Variants in UBTF observed in about 807,000 individuals in gnomAD.
The protein encoded by UBTF is nucleolar transcription factor 1.
UBTF carries 8 observed loss-of-function variants against 112.3 expected under a neutral mutation model. That is an observed-to-expected ratio of 0.07 (90% CI 0.04 to 0.13). The LOEUF is 0.13. UBTF is among the 10% of genes least tolerant of loss of function. UBTF has a pLI of 1.00. For synonymous variants in UBTF, 417 were observed against 373.1 expected (o/e 1.12, Z -1.36); for missense variants, 457 against 982.1 (o/e 0.47, Z 7.15).
intron 15 of UBTF, 113 bp from the exon 16 acceptor site, chr17:44,209,846 G>T: frequency 8.7e-7 from 1 of 1,153,950 alleles, no homozygotes; most frequent in Non-Finnish European, 1.2e-6. Flanking sequence ...CCAGGGAGGA[G>T]GAGAAACAGG....
rs1433480609 is a variant in UBTF, at chr17:44,211,252, G to C, written c.1089+38C>G. The stretch of plus-strand genomic sequence containing the variant: ...CCAGGGCTCTGCCTGCCAAGTCCCA[G>C]TCTTCTCTGCCCACTGCCCCACCGG... On this transcript the variant is annotated intron_variant, in intron 11 of 20. Transcript: ENST00000436088. The surrounding 1 kb of genome is among the most constrained non-coding windows in gnomAD (Gnocchi z 4.9). 1 of 1,614,038 alleles carries C rather than the reference G, an allele frequency of 6.2e-7. No homozygotes were observed. The highest frequency in any genetic ancestry group is 8.5e-7 in the Non-Finnish European group (1 of 1,180,036).
At position 44,207,474 on chromosome 17, in the gene UBTF, C is replaced by T. The variant is rs1160826877; in HGVS notation, c.2149G>A (p.Glu717Lys). 3 of 1,614,048 alleles carry T rather than the reference C, an allele frequency of 1.9e-6. No homozygotes were observed. The highest frequency in any genetic ancestry group is 1.7e-5 in the Admixed American group (1 of 60,022). The change falls in exon 20 of 21, where the codon GAG (glutamate) becomes AAG (lysine). Residue 717 changes from glutamate (E) to lysine (K), a missense_variant. By Grantham distance (56) the Glu-to-Lys change is moderately conservative. This residue lies in a region of UBTF where 139 missense variants were observed against 157.5 expected (regional missense o/e 0.88). Coordinates refer to ENST00000436088, the MANE Select transcript of UBTF (RefSeq NM_014233.4). ...CCCACCTCATCCCCATCCTCGCTCT[C>T]GTCCTCGCTGCTGGACTCAGAGGAG... ...GDSSESSSED[E>K]SEDGDENEED... is the part of the protein sequence containing the mutation.
intron 13 of UBTF, 56 bp from the exon 14 acceptor site, chr17:44,210,529 C>A: frequency 6.7e-7 from 1 of 1,499,274 alleles, no homozygotes; most frequent in Admixed American, 2.5e-5. Context: ...GCGCGCGCTC[C>A]CCGCGCAGCA....
chr17:44,220,522 A>G (rs2047134745), upstream of UBTF, among the ~76,000 whole-genome samples: 1 of 149,144 alleles, frequency 6.7e-6, no homozygotes, highest in African/African-American at 2.5e-5. Context: ...AAACCCGAAA[A>G]CTAAAACCTC....
chr17:44,215,896 A>G lies in UBTF; in HGVS notation c.318+10T>C, dbSNP rs1018988361. 5.0e-6 allele frequency: 8 copies of G among 1,613,924 alleles called. No homozygotes were observed. Among genetic ancestry groups the G allele is most frequent in the African/African-American group, 4.0e-5 (3 of 74,878 alleles). On this transcript the variant is annotated intron_variant, in intron 4 of 20. Coordinates refer to ENST00000436088, the MANE Select transcript of UBTF (RefSeq NM_014233.4). Reference sequence around the variant, plus strand: ...CCATACCCCTCATGCTCCTCCTCCTAGTAACTCACCTTGAGTTTTTTGCCT... The same window carrying G: ...CCATACCCCTCATGCTCCTCCTCCTGGTAACTCACCTTGAGTTTTTTGCCT...
Position 44,211,651 on chromosome 17 carries a change from C to A in UBTF, c.1002G>T (p.Leu334=). 1.2e-6 allele frequency: 2 copies of A among 1,611,516 alleles called. No individual in the cohort carries two copies. Among genetic ancestry groups the A allele is most frequent in the Non-Finnish European group, 1.7e-6 (2 of 1,179,978 alleles). The change falls in exon 10 of 21, where the codon CTG becomes CTT. Residue 334 remains leucine, a synonymous_variant. Transcript: ENST00000436088. The surrounding 1 kb of genome is among the most constrained non-coding windows in gnomAD (Gnocchi z 4.9). ...AGGCGTCCTTCTCCTTCTGGGACAG[C>A]AGCTTCCACTGCTGGCTGCACAGCA... ...RMVLCSQQWK[L]LSQKEKDAYH... is the part of the protein sequence containing the mutation.
At chr17:44,207,813 C>A (rs758183772) in intron 18 of UBTF, 43 bp from the exon 19 acceptor site, 2 of 1,614,008 alleles carry the variant, frequency 1.2e-6, no homozygotes, top group Non-Finnish European at 1.7e-6. Flanking sequence ...GAGTTCGACA[C>A]CCCTGAATTC....
At position 44,212,370 on chromosome 17, in the gene UBTF, C is replaced by A. The variant is rs2056743235; in HGVS notation, c.745G>T (p.Ala249Ser). Residue 249 changes from alanine to serine, a missense_variant, in exon 8 of 21, where the codon GCC becomes TCC. By Grantham distance (99) the Ala-to-Ser change is moderately conservative. Coordinates refer to ENST00000436088, the MANE Select transcript of UBTF (RefSeq NM_014233.4). ...DKKRLKWIHK[A>S]LEQRKEYEEI... Reference sequence around the variant, plus strand: ...TCGTACTCCTTCCGCTGCTCCAGGGCCTTATGAATCCATTTCAGCCTCTTT... The same window carrying A: ...TCGTACTCCTTCCGCTGCTCCAGGGACTTATGAATCCATTTCAGCCTCTTT... 1 of 1,613,338 alleles carries A rather than the reference C, an allele frequency of 6.2e-7. No individual in the cohort carries two copies. Among genetic ancestry groups the A allele is most frequent in the Non-Finnish European group, 8.5e-7 (1 of 1,179,914 alleles).
At chr17:44,215,603 C>T (rs2046809235) in intron 5 of UBTF, 51 bp downstream of exon 5, 1 of 1,605,288 alleles carries the variant, frequency 6.2e-7, no homozygotes, top group Admixed American at 1.7e-5. Flanking sequence ...CACACCACAC[C>T]AGCTGCTCCC....
intron 5 of UBTF, 181 bp downstream of exon 5, chr17:44,215,473 C>CA: frequency 4.2e-6 from 3 of 706,412 alleles, no homozygotes; most frequent in Non-Finnish European, 7.0e-6. Flanking sequence ...GTGCCTGTGC[C>CA]TGACCATGTG....
chr17:44,211,074 G>T lies in UBTF; in HGVS notation c.1168C>A (p.Pro390Thr). ...LNINKKQATS[P>T]ASKKPAQEGG... ...TCCTGGGCTGGCTTCTTGGAGGCGG[G>T]GCTGGTGGCCTGCTTCTTGTTGATG... The change falls in exon 12 of 21, where the codon CCC (proline) becomes ACC (threonine). Residue 390 changes from proline (P) to threonine (T), a missense_variant. Physicochemically the swap from Pro to Thr is conservative, Grantham distance 38. Around this residue, in one of 7 missense-constraint regions of UBTF, gnomAD observed 108 missense variants for 137.4 expected, o/e 0.79. Transcript: ENST00000436088. The surrounding 1 kb of genome is among the most constrained non-coding windows in gnomAD (Gnocchi z 4.9). 5.6e-6 allele frequency: 9 copies of T among 1,612,888 alleles called. No individual in the cohort carries two copies. Among genetic ancestry groups the T allele is most frequent in the Non-Finnish European group, 7.6e-6 (9 of 1,179,962 alleles).
In UBTF at chr17:44,210,325, C is replaced by T; in HGVS notation, c.1508G>A (p.Arg503His). 1 of 1,614,238 alleles carries T rather than the reference C, an allele frequency of 6.2e-7. No individual in the cohort carries two copies. The highest frequency in any genetic ancestry group is 8.5e-7 in the Non-Finnish European group (1 of 1,180,040). Residue 503 changes from arginine to histidine, a missense_variant, in exon 14 of 21, where the codon CGC (arginine) becomes CAC (histidine). Around this residue, in one of 7 missense-constraint regions of UBTF, gnomAD observed 77 missense variants for 211.9 expected, o/e 0.36. Coordinates refer to ENST00000436088, the MANE Select transcript of UBTF (RefSeq NM_014233.4). Reference sequence around the variant, plus strand: ...CTTTCCCACCCCTGTCACCTTGAAGCGGGCCAGGTAGTCGCCGATAACGCT... The same window carrying T: ...CTTTCCCACCCCTGTCACCTTGAAGTGGGCCAGGTAGTCGCCGATAACGCT... ...QQSVIGDYLA[R>H]FKNDRVKALK...
At chr17:44,216,296 G>T in intron 3 of UBTF, 1 of 614,226 alleles carries the variant, frequency 1.6e-6, no homozygotes, top group Non-Finnish European at 2.9e-6. Context: ...GTCAATCTCA[G>T]CACAGCTCAG....
At position 44,210,753 on chromosome 17, in the gene UBTF, G is replaced by GCCC. The variant is rs748730184; in HGVS notation, c.1359+36_1359+38dup. 1.4e-5 allele frequency: 22 copies of GCCC among 1,549,650 alleles called. No homozygotes were observed. The South Asian group carries it at 2.5e-4, about 18-fold the overall frequency. The stretch of plus-strand genomic sequence containing the variant: ...CCAAGGGGAAGAGGGGGCCCTGGCA[G>GCCC]CCCCCCTGGGGGCACAGCGCTCCGC... On this transcript the variant is annotated intron_variant, in intron 13 of 20. Transcript: ENST00000436088.
chr17:44,208,972 G>C (rs1280799163), intron 17 of UBTF: 2 of 326,002 alleles, frequency 6.1e-6, no homozygotes, highest in African/African-American at 4.6e-5. Flanking sequence ...ATCACATGAG[G>C]TCAGGAGTTC....
In UBTF at chr17:44,212,643, G is replaced by GCACACACA. The variant is rs1170109450; in HGVS notation, c.660+175_660+176insTGTGTGTG. 1.1e-3 allele frequency among the ~76,000 whole-genome samples: 160 copies of GCACACACA among 152,290 alleles called. 1 individual carries two copies. The highest frequency in any genetic ancestry group is 1.8e-3 in the Non-Finnish European group (125 of 68,006). On this transcript the variant is annotated intron_variant, in intron 7 of 20. Transcript: ENST00000436088. The stretch of plus-strand genomic sequence containing the variant: ...GGTGCAAGGGGACTGGCTCATACAC[G>GCACACACA]CACGCACACACGCACACGCTTGCAC...
At chr17:44,220,263 C>A (rs113844752), upstream of UBTF, among the ~76,000 whole-genome samples, 51,822 of 151,130 alleles carry the variant, frequency 0.34, 9,473 homozygotes, top group East Asian at 0.7. Context: ...GAGGTGCCCC[C>A]GGCGTCCGGG....
At chr17:44,207,407 T>C (rs2056318487) in intron 20 of UBTF, 40 bp from the exon 21 acceptor site, 1 of 1,611,708 alleles carries the variant, frequency 6.2e-7, no homozygotes, top group South Asian at 1.1e-5. Context: ...CAGGTGGCCC[T>C]CCTGGCAGGA....
chr17:44,211,823 C>G lies in UBTF; in HGVS notation c.905+50G>C. On this transcript the variant is annotated intron_variant, in intron 9 of 20. Coordinates refer to ENST00000436088, the MANE Select transcript of UBTF (RefSeq NM_014233.4). This position sits in a 1 kb window ranked among gnomAD's most constrained non-coding sequence, Gnocchi z 4.9. ...AGGCCTTCTCACCTGCAGAGCCCAGCCCAACTTCCCAGCTGCCCACTCGCC... is the reference window on the plus strand; with the variant it reads ...AGGCCTTCTCACCTGCAGAGCCCAGGCCAACTTCCCAGCTGCCCACTCGCC... The G allele has an allele frequency of 1.2e-6, 2 of 1,602,170 alleles. No individual in the cohort carries two copies.
Sources: gnomAD v4.1 joint callset for allele counts (sites outside exome capture counted in the v4.1 genomes callset) on GRCh38, gnomAD v4.1.1 for gene constraint, gnomAD v4.1.1 regional missense constraint, Gnocchi (gnomAD v3.1) non-coding constraint, MANE v1.5 for transcripts, NCBI Gene and HGNC (gene_info 2026-07-23, HGNC 2026-07-21) for gene names.